FAS: variants seen among roughly 807,000 people sequenced by gnomAD.
The protein encoded by FAS is Fas cell surface death receptor.
A neutral mutation model predicts 33.2 loss-of-function variants in FAS; 5 were observed. The observed-to-expected ratio is 0.15, with a 90% CI of 0.08 to 0.32. The LOEUF is 0.32. Among genes scored for constraint, FAS ranks in the 10% least tolerant of loss-of-function variants. The pLI, the probability that FAS is intolerant of heterozygous loss-of-function variation, is 1.00. For missense variants in FAS, 339 were observed against 386.0 expected (o/e 0.88, Z 1.02); for synonymous variants, 131 against 130.7 (o/e 1.00, Z -0.01).
chr10:88,991,190 A>T, intron 1 of FAS: 1 of 570,760 alleles, frequency 1.8e-6, no homozygotes, highest in Non-Finnish European at 3.1e-6. Flanking sequence ...CGCTCCTCGG[A>T]GACCACTGCG....
Position 89,014,152 on chromosome 10 carries a change from C to T in FAS, c.710C>T (p.Ala237Val), listed in dbSNP as rs1307415458. The change falls in exon 9 of 9, where the codon GCT (alanine) becomes GTT (valine). Residue 237 changes from alanine (A) to valine (V), a missense_variant. Physicochemically the swap from Ala to Val is moderately conservative, Grantham distance 64. Around this residue, in one of 3 missense-constraint regions of FAS, gnomAD observed 276 missense variants for 300.1 expected, o/e 0.92. Transcript: ENST00000652046. Reference protein sequence around the residue: ...VDLSKYITTIAGVMTLSQVKG... With the variant: ...VDLSKYITTIVGVMTLSQVKG... The stretch of plus-strand genomic sequence containing the variant: ...TTGAGTAAATATATCACCACTATTG[C>T]TGGAGTCATGACACTAAGTCAAGTT... 6.2e-7 allele frequency: 1 copy of T among 1,613,752 alleles called. No individual in the cohort carries two copies. Among genetic ancestry groups the T allele is most frequent in the South Asian group, 1.1e-5 (1 of 91,052 alleles).
At chr10:88,990,617 T>C, upstream of FAS, 1 of 686,680 alleles carries the variant, frequency 1.5e-6, no homozygotes, top group Non-Finnish European at 2.7e-6. The surrounding 1 kb of genome is among the most constrained non-coding windows in gnomAD (Gnocchi z 4.9). Flanking sequence ...CCCATCCTCC[T>C]GACCACCGGG....
In FAS at chr10:89,014,867, C is replaced by T. The variant is rs571163551; in HGVS notation, c.*417C>T. 22 of 537,488 alleles carry T rather than the reference C, an allele frequency of 4.1e-5. No homozygotes were observed. The highest frequency in any genetic ancestry group is 3.1e-4 in the Admixed American group (14 of 45,142). The allele number at this position is 537,488 out of a possible 1,614,324, so 33.3% of individuals were successfully genotyped here. A position where few individuals can be genotyped will look rare whatever the true frequency, so the allele number is the denominator to read the frequency against. On this transcript the variant is annotated 3_prime_UTR_variant, in exon 9 of 9. Coordinates refer to ENST00000652046, the MANE Select transcript of FAS (RefSeq NM_000043.6). ...TTTTGCTGAAATATCAGTTACTGAACAGGCAGGCCACTTTGCCTCTAAATT... is the reference window on the plus strand; with the variant it reads ...TTTTGCTGAAATATCAGTTACTGAATAGGCAGGCCACTTTGCCTCTAAATT...
At chr10:88,973,600 A>G (rs1286946736) in intron 2 of FAS, 1 of 243,994 alleles carries the variant, frequency 4.1e-6, no homozygotes, top group Non-Finnish European at 7.8e-6. Context: ...AACATAGACC[A>G]TTCATTCTTC....
intron 1 of FAS, among the ~76,000 whole-genome samples, chr10:88,999,908 A>G (rs1207336154): frequency 1.3e-5 from 2 of 152,228 alleles, no homozygotes; most frequent in African/African-American, 4.8e-5. Flanking sequence ...TTCATCAGAG[A>G]CAGAAATTAC....
Position 89,010,572 on chromosome 10 carries a change from C to G in FAS, c.477C>G (p.Leu159=), listed in dbSNP as rs371144668. Residue 159 remains leucine (L), a synonymous_variant, in exon 5 of 9, where the codon CTC becomes CTG. Transcript: ENST00000652046. ...CEHGIIKECT[L]TSNTKCKEEG... is the part of the protein sequence containing the mutation. ...ATGGAATCATCAAGGAATGCACACT[C>G]ACCAGCAACACCAAGTGCAAAGAGG... 1.2e-6 allele frequency: 2 copies of G among 1,613,774 alleles called. No individual in the cohort carries two copies. The highest frequency in any genetic ancestry group is 2.7e-5 in the African/African-American group (2 of 74,894).
intron 1 of FAS, among the ~76,000 whole-genome samples, chr10:88,995,221 T>G (rs1049492031): frequency 1.3e-5 from 2 of 152,210 alleles, no homozygotes; most frequent in African/African-American, 4.8e-5. Flanking sequence ...TTAAATATCT[T>G]CAATTCAGTC....
At chr10:88,998,269 C>T (rs1208460264) in intron 1 of FAS, among the ~76,000 whole-genome samples, 2 of 151,378 alleles carry the variant, frequency 1.3e-5, no homozygotes, top group African/African-American at 2.4e-5. Flanking sequence ...GTATGTGTGT[C>T]CAAATTTCCT....
intron 8 of FAS, 57 bp downstream of exon 8, chr10:89,013,424 A>G: frequency 1.3e-6 from 2 of 1,482,960 alleles, no homozygotes; most frequent in Non-Finnish European, 1.9e-6. Context: ...TAATAGGCCA[A>G]TTTCAGAGTA....
intron 2 of FAS, among the ~76,000 whole-genome samples, chr10:88,978,903 ATAT>A (rs956742252): frequency 1.3e-5 from 2 of 151,260 alleles, no homozygotes; most frequent in African/African-American, 2.4e-5. Context: ...TATTATTATT[ATAT>A]TATTATTATT....
upstream of FAS, among the ~76,000 whole-genome samples, chr10:88,987,167 T>C (rs1267574129): frequency 2.0e-5 from 3 of 152,226 alleles, no homozygotes; most frequent in Admixed American, 2.0e-4. Flanking sequence ...AGAAAAATTC[T>C]TTGGTAGAAG....
intron 2 of FAS, among the ~76,000 whole-genome samples, chr10:88,978,517 C>G (rs1846629775): frequency 6.6e-6 from 1 of 152,170 alleles, no homozygotes; most frequent in Admixed American, 6.5e-5. Flanking sequence ...TCTGCTCAGC[C>G]TTTCATCACC....
chr10:89,000,370 A>C (rs560716156), intron 1 of FAS, among the ~76,000 whole-genome samples: 1 of 152,372 alleles, frequency 6.6e-6, no homozygotes, highest in Admixed American at 6.5e-5. Context: ...AAAAATAATA[A>C]CACAGTTCGT....
chr10:89,011,985 C>T lies in FAS; in HGVS notation c.569-14C>T. The stretch of plus-strand genomic sequence containing the variant: ...GCTGAGACCTGAGTTGATAAAATTT[C>T]TTTGTTCTTTCAGTGAAGAGAAAGG... On this transcript the variant is annotated splice_polypyrimidine_tract_variant and intron_variant, in intron 6 of 8. Transcript: ENST00000652046. 1 of 1,612,154 alleles carries T rather than the reference C, an allele frequency of 6.2e-7. No homozygotes were observed. The highest frequency in any genetic ancestry group is 8.5e-7 in the Non-Finnish European group (1 of 1,178,374).
chr10:88,975,266 A>T (rs906894384), intron 2 of FAS: 2 of 152,208 alleles, frequency 1.3e-5, no homozygotes, highest in Non-Finnish European at 2.9e-5. Context: ...TGCTAAATTT[A>T]TACAAAAGGA....
rs1258512501 is a variant in FAS, at chr10:89,014,450, G to C, written c.1008G>C (p.Ter336TyrextTer9). ...GAAATGAAATCCAAAGCTTGGTCTAGAGTGAAAAACAACAAATTCAGTTCT... is the reference window on the plus strand; with the variant it reads ...GAAATGAAATCCAAAGCTTGGTCTACAGTGAAAAACAACAAATTCAGTTCT... ...NFRNEIQSLV[*>Y] Residue 336 changes from the stop codon to tyrosine (Y), a stop_lost, in exon 9 of 9, where the codon TAG becomes TAC. Coordinates refer to ENST00000652046, the MANE Select transcript of FAS (RefSeq NM_000043.6). 2 of 1,607,326 alleles carry C rather than the reference G, an allele frequency of 1.2e-6. No homozygotes were observed. The highest frequency in any genetic ancestry group is 8.5e-7 in the Non-Finnish European group (1 of 1,179,698).
chr10:88,976,690 TA>T (rs1196600061), intron 2 of FAS, among the ~76,000 whole-genome samples: 1 of 152,250 alleles, frequency 6.6e-6, no homozygotes, highest in Non-Finnish European at 1.5e-5. Flanking sequence ...CAGATGATTA[TA>T]ATTTTAAATT....
chr10:88,977,606 C>T (rs1235971558), intron 2 of FAS, among the ~76,000 whole-genome samples: 2 of 151,790 alleles, frequency 1.3e-5, no homozygotes, highest in African/African-American at 4.8e-5. Flanking sequence ...ACAGACACTT[C>T]TCAAAAGAAG....
At chr10:88,988,090 C>T (rs3758485), upstream of FAS, among the ~76,000 whole-genome samples, 53,569 of 152,078 alleles carry the variant, frequency 0.35, 10,214 homozygotes, top group East Asian at 0.52. Context: ...TCTACAATCA[C>T]GTGAGCCAAC....
Sources: allele counts gnomAD v4.1 joint callset (sites outside exome capture counted in the v4.1 genomes callset), GRCh38; gene constraint gnomAD v4.1.1; regional missense constraint gnomAD v4.1.1; non-coding constraint Gnocchi (gnomAD v3.1); transcripts MANE v1.5; gene names NCBI Gene and HGNC (gene_info 2026-07-23, HGNC 2026-07-21).